The following PRKCE variants were observed in gnomAD, a reference collection of about 807,000 sequenced individuals.
PRKCE encodes protein kinase C epsilon, also known as protein kinase C epsilon type.
A neutral mutation model predicts 85.4 loss-of-function variants in PRKCE; 16 were observed. The observed-to-expected ratio is 0.19, with a 90% CI of 0.13 to 0.28. PRKCE has a LOEUF of 0.28. Ranked by LOEUF, PRKCE falls within the 10% of genes least tolerant of loss-of-function variation. The probability of loss-of-function intolerance (pLI) is 1.00; values close to 1 mark genes in which losing one functional copy is unlikely to be tolerated. For synonymous variants in PRKCE, 388 were observed against 371.5 expected, an observed-to-expected ratio of 1.04 and a Z score of -0.51; for missense variants, 573 against 975.2, an observed-to-expected ratio of 0.59 and a Z score of 5.49.
chr2:45,929,456 A>G (rs1019049459), intron 2 of PRKCE, among the ~76,000 whole-genome samples: 1 of 152,170 alleles, frequency 6.6e-6, no homozygotes, highest in Non-Finnish European at 1.5e-5. Flanking sequence ...GACTGAGTTC[A>G]GGCAGCAGAA....
At chr2:46,007,110 A>T (rs1422171684) in intron 8 of PRKCE, among the ~76,000 whole-genome samples, 1 of 152,226 alleles carries the variant, frequency 6.6e-6, no homozygotes, top group Non-Finnish European at 1.5e-5. Context: ...ACTCTGCAGA[A>T]TTCCAGAGAG....
At chr2:45,857,752 T>G (rs1387949476) in intron 2 of PRKCE, among the ~76,000 whole-genome samples, 1 of 152,040 alleles carries the variant, frequency 6.6e-6, no homozygotes, top group African/African-American at 2.4e-5. Flanking sequence ...GGCAATAAAG[T>G]ATTCAAATAA....
chr2:46,086,639 G>A (rs1669665248), intron 11 of PRKCE, among the ~76,000 whole-genome samples: 1 of 152,140 alleles, frequency 6.6e-6, no homozygotes, highest in Non-Finnish European at 1.5e-5. Context: ...GGTGACCTTG[G>A]TGTGACCTTC....
intron 1 of PRKCE, among the ~76,000 whole-genome samples, chr2:45,661,511 GTTTTGTTTTTTGTT>G (rs1447473193): frequency 7.9e-6 from 1 of 126,246 alleles, no homozygotes; most frequent in African/African-American, 3.0e-5. Flanking sequence ...TTTTTGTTTT[GTTTTGTTTTTTGTT>G]TTTTGTTTTT....
chr2:46,118,155 A>G (rs1420228764), intron 11 of PRKCE, among the ~76,000 whole-genome samples: 1 of 152,242 alleles, frequency 6.6e-6, no homozygotes, highest in African/African-American at 2.4e-5. Flanking sequence ...AAAAGCTTAG[A>G]GGACAGTTTC....
intron 10 of PRKCE, among the ~76,000 whole-genome samples, chr2:46,034,900 G>T (rs1345289919): frequency 6.6e-6 from 1 of 152,264 alleles, no homozygotes; most frequent in African/African-American, 2.4e-5. Flanking sequence ...TTCTGAGACT[G>T]CTAGCTTGTT....
intron 5 of PRKCE, among the ~76,000 whole-genome samples, chr2:45,983,932 G>C (rs957514816): frequency 1.6e-5 from 2 of 127,506 alleles, no homozygotes; most frequent in South Asian, 2.9e-4. Flanking sequence ...AGTATTGAAG[G>C]TACAATTTTT....
At chr2:45,828,218 G>T (rs935661) in intron 1 of PRKCE, among the ~76,000 whole-genome samples, 62,632 of 152,078 alleles carry the variant, frequency 0.41, 13,523 homozygotes, top group Middle Eastern at 0.53. Flanking sequence ...ATATAGAGGA[G>T]ATTCGATCAA....
chr2:46,153,935 C>T (rs1253672805), intron 13 of PRKCE, among the ~76,000 whole-genome samples: 1 of 151,848 alleles, frequency 6.6e-6, no homozygotes, highest in Non-Finnish European at 1.5e-5. Context: ...TACAGGCGCC[C>T]ACCACCATGC....
chr2:45,703,956 T>C, intron 1 of PRKCE, among the ~76,000 whole-genome samples: 1 of 152,228 alleles, frequency 6.6e-6, no homozygotes, highest in Non-Finnish European at 1.5e-5. Context: ...GGTAGAGTAA[T>C]GCAGATTTAA....
At chr2:45,738,793 G>A (rs1179844153) in intron 1 of PRKCE, among the ~76,000 whole-genome samples, 3 of 152,168 alleles carry the variant, frequency 2.0e-5, no homozygotes, top group Non-Finnish European at 2.9e-5. Context: ...TAAAAGTACA[G>A]GATTGGAAAG....
At chr2:45,717,892 T>C (rs969575012) in intron 1 of PRKCE, among the ~76,000 whole-genome samples, 5 of 152,194 alleles carry the variant, frequency 3.3e-5, no homozygotes, top group Admixed American at 3.3e-4. Flanking sequence ...TAACTGGCAT[T>C]TGTGCCCCAG....
intron 11 of PRKCE, among the ~76,000 whole-genome samples, chr2:46,134,227 G>A (rs550527259): frequency 6.6e-6 from 1 of 152,302 alleles, no homozygotes; most frequent in South Asian, 2.1e-4. Context: ...TTGAGACACT[G>A]GGATGCATCA....
chr2:46,157,185 G>A (rs189187487), intron 13 of PRKCE, among the ~76,000 whole-genome samples: 23 of 152,180 alleles, frequency 1.5e-4, no homozygotes, highest in Non-Finnish European at 2.5e-4. Flanking sequence ...CCTGATTCCC[G>A]GAGCCCCATC....
rs998774547 is a variant in PRKCE, at chr2:45,808,530, C to T, written c.349-34470C>T. On this transcript the variant is annotated intron_variant, in intron 1 of 14. Coordinates refer to ENST00000306156, the MANE Select transcript of PRKCE (RefSeq NM_005400.3). ...CCTCCCTGGCTTCCTGTTTGTGTAC[C>T]GTCTGGAGAATGCCAAAGTCACTGA... 7.2e-5 allele frequency among the ~76,000 whole-genome samples: 11 copies of T among 152,104 alleles called. No homozygotes were observed. The South Asian group carries it at 8.3e-4, about 11-fold the overall frequency.
At chr2:46,046,757 C>A (rs995892263) in intron 10 of PRKCE, among the ~76,000 whole-genome samples, 3 of 152,088 alleles carry the variant, frequency 2.0e-5, no homozygotes, top group African/African-American at 7.2e-5. Context: ...GGGCAAGACC[C>A]CTTCAGGAAT....
intron 2 of PRKCE, among the ~76,000 whole-genome samples, chr2:45,889,614 C>T (rs1315547485): frequency 1.3e-5 from 2 of 152,188 alleles, no homozygotes; most frequent in African/African-American, 2.4e-5. Flanking sequence ...GTGTACACCT[C>T]TGCTTCTTAA....
At chr2:46,020,603 G>A (rs1051563011) in intron 10 of PRKCE, among the ~76,000 whole-genome samples, 2 of 152,122 alleles carry the variant, frequency 1.3e-5, no homozygotes, top group African/African-American at 2.4e-5. Flanking sequence ...TTTAGATCAC[G>A]CACAGAAGTG....
chr2:45,948,203 G>A (rs1010246115), intron 2 of PRKCE, among the ~76,000 whole-genome samples: 6 of 152,122 alleles, frequency 3.9e-5, no homozygotes, highest in African/African-American at 1.4e-4. Flanking sequence ...TACCCATAAC[G>A]TGGCACATGC....
Sources: gnomAD v4.1 joint callset for allele counts (sites outside exome capture counted in the v4.1 genomes callset) on GRCh38, gnomAD v4.1.1 for gene constraint, MANE v1.5 for transcripts, NCBI Gene and HGNC (gene_info 2026-07-23, HGNC 2026-07-21) for gene names.